NLGN1: variants seen among roughly 807,000 people sequenced by gnomAD.
NLGN1 encodes the protein neuroligin 1.
NLGN1 carries 12 observed loss-of-function variants against 65.5 expected under a neutral mutation model. The observed-to-expected ratio is 0.18, with a 90% CI of 0.12 to 0.30. The LOEUF is 0.30. Ranked by LOEUF, NLGN1 falls within the 10% of genes least tolerant of loss-of-function variation. The pLI is 1.00. For synonymous variants in NLGN1, 350 were observed against 359.5 expected (o/e 0.97, Z 0.30); for missense variants, 750 against 1,007.1 (o/e 0.74, Z 3.46).
At chr3:173,655,042 G>C (rs1255972200) in intron 3 of NLGN1, among the ~76,000 whole-genome samples, 2 of 152,124 alleles carry the variant, frequency 1.3e-5, no homozygotes, top group Non-Finnish European at 1.5e-5. Context: ...AGTTTTCTAT[G>C]AGTATTCAAT....
In NLGN1 at chr3:174,054,514, GT is replaced by G. The variant is rs35438356; in HGVS notation, c.647-220798del. Among the ~76,000 whole-genome samples, 6 of 151,948 alleles carry G rather than the reference GT, an allele frequency of 3.9e-5. No individual in the cohort carries two copies. The East Asian group carries it at 1.2e-3, about 30-fold the overall frequency. On this transcript the variant is annotated intron_variant, in intron 4 of 6. Coordinates refer to ENST00000457714, the Ensembl canonical transcript of NLGN1. ...GATCCTCTCTTTATTCTCTATTTTA[GT>G]TTCTTTCCATCCCTCCTCCCTAAGC...
intron 3 of NLGN1, among the ~76,000 whole-genome samples, chr3:173,742,145 A>G (rs892925613): frequency 6.6e-6 from 1 of 152,144 alleles, no homozygotes; most frequent in East Asian, 1.9e-4. Context: ...AAGGATAACT[A>G]TACTACAATT....
intron 3 of NLGN1, among the ~76,000 whole-genome samples, chr3:173,655,743 A>G (rs910011304): frequency 3.7e-5 from 5 of 133,358 alleles, no homozygotes; most frequent in African/African-American, 1.2e-4. Flanking sequence ...ATGTATAATA[A>G]GACAGTTAAA....
At chr3:173,576,225 T>C (rs1261298834) in intron 2 of NLGN1, among the ~76,000 whole-genome samples, 1 of 152,156 alleles carries the variant, frequency 6.6e-6, no homozygotes, top group Non-Finnish European at 1.5e-5. Context: ...TGCTAGGAAA[T>C]TTAAAATTTC....
intron 3 of NLGN1, among the ~76,000 whole-genome samples, chr3:173,774,290 G>T (rs1332232442): frequency 6.6e-6 from 1 of 152,188 alleles, no homozygotes; most frequent in Non-Finnish European, 1.5e-5. Context: ...GAGATGGAAA[G>T]AACTTATGTA....
At chr3:173,490,719 T>C (rs1268974237) in intron 2 of NLGN1, among the ~76,000 whole-genome samples, 5 of 152,152 alleles carry the variant, frequency 3.3e-5, no homozygotes, top group African/African-American at 9.7e-5. Context: ...ATTCTTCCTA[T>C]CCATGAGCAT....
At chr3:174,165,214 G>A (rs1031124454) in intron 4 of NLGN1, among the ~76,000 whole-genome samples, 1 of 151,674 alleles carries the variant, frequency 6.6e-6, no homozygotes, top group Non-Finnish European at 1.5e-5. Context: ...TGATTCCTCT[G>A]GCTAGCATTT....
chr3:173,829,314 A>T (rs900983575), intron 4 of NLGN1, among the ~76,000 whole-genome samples: 1 of 152,166 alleles, frequency 6.6e-6, no homozygotes, highest in South Asian at 2.1e-4. Flanking sequence ...AATTAGATAC[A>T]CAAGTTTAGA....
chr3:174,072,520 T>TG (rs1202901408), intron 4 of NLGN1, among the ~76,000 whole-genome samples: 1 of 152,002 alleles, frequency 6.6e-6, no homozygotes, highest in Non-Finnish European at 1.5e-5. Flanking sequence ...CATGAAAGTG[T>TG]GGGGCACATC....
intron 4 of NLGN1, among the ~76,000 whole-genome samples, chr3:174,172,116 T>A (rs1728657234): frequency 6.6e-6 from 1 of 152,044 alleles, no homozygotes; most frequent in South Asian, 2.1e-4. Context: ...TTTTTAAATT[T>A]TTTTAATTTG....
intron 3 of NLGN1, among the ~76,000 whole-genome samples, chr3:173,786,948 G>A (rs1429299545): frequency 2.0e-5 from 3 of 151,924 alleles, no homozygotes; most frequent in Non-Finnish European, 4.4e-5. Flanking sequence ...GTGGTGGCAG[G>A]CACCTGTAAT....
exon 3 of NLGN1, chr3:173,604,668 G>C: frequency 6.2e-7 from 1 of 1,613,674 alleles, no homozygotes; most frequent in South Asian, 1.1e-5. Flanking sequence ...GGTACACCGG[G>C]GATTGGGTGC....
At chr3:173,608,723 T>C (rs1207199736) in intron 3 of NLGN1, among the ~76,000 whole-genome samples, 4 of 151,942 alleles carry the variant, frequency 2.6e-5, no homozygotes, top group East Asian at 1.9e-4. Context: ...CAGAGACTTA[T>C]ATCTATCCAT....
chr3:174,105,110 G>A (rs1242158756), intron 4 of NLGN1, among the ~76,000 whole-genome samples: 1 of 152,022 alleles, frequency 6.6e-6, no homozygotes, highest in African/African-American at 2.4e-5. Flanking sequence ...TTGTGTTTTG[G>A]CCAAGTAGGG....
chr3:173,585,909 A>G (rs1431387211), intron 2 of NLGN1, among the ~76,000 whole-genome samples: 4 of 152,182 alleles, frequency 2.6e-5, no homozygotes, highest in Non-Finnish European at 4.4e-5. Flanking sequence ...AAGGAAATCA[A>G]TTTCAGCAGC....
At chr3:174,106,169 A>G (rs866980128) in intron 4 of NLGN1, among the ~76,000 whole-genome samples, 22 of 152,166 alleles carry the variant, frequency 1.4e-4, no homozygotes, top group Admixed American at 1.3e-4. Flanking sequence ...ATTTTAACTT[A>G]TGTTAGAATC....
At chr3:173,864,212 CT>C (rs1441244562) in intron 4 of NLGN1, among the ~76,000 whole-genome samples, 1 of 152,072 alleles carries the variant, frequency 6.6e-6, no homozygotes, top group African/African-American at 2.4e-5. Flanking sequence ...GAAAAATAAC[CT>C]TTTGTCTCCA....
intron 4 of NLGN1, among the ~76,000 whole-genome samples, chr3:174,264,622 G>C (rs889565759): frequency 3.3e-5 from 5 of 149,812 alleles, no homozygotes; most frequent in African/African-American, 9.8e-5. Flanking sequence ...TTTGCCTTTG[G>C]TTTGAATGTC....
chr3:174,149,660 T>C (rs1443921478), intron 4 of NLGN1, among the ~76,000 whole-genome samples: 1 of 152,122 alleles, frequency 6.6e-6, no homozygotes, highest in Non-Finnish European at 1.5e-5. Flanking sequence ...TAAAGAAATA[T>C]TGATAAATTT....
Sources: allele counts gnomAD v4.1 joint callset (sites outside exome capture counted in the v4.1 genomes callset), GRCh38; gene constraint gnomAD v4.1.1; transcripts MANE v1.5; gene names NCBI Gene and HGNC (gene_info 2026-07-23, HGNC 2026-07-21).